Variants in CRTC3 observed in about 807,000 individuals in gnomAD.
CRTC3 encodes the protein CREB-regulated transcription coactivator 3.
CRTC3 carries 26 observed loss-of-function variants against 74.5 expected under a neutral mutation model. The ratio of observed to expected loss-of-function variants is 0.35; its 90% CI spans 0.26 to 0.48. The LOEUF (loss-of-function observed/expected upper bound fraction) is 0.48. Ranked by LOEUF, CRTC3 falls within the 20% of genes least tolerant of loss-of-function variation. CRTC3 has a pLI of 0.99. For synonymous variants in CRTC3, 377 were observed against 325.8 expected (o/e 1.16, Z -1.69); for missense variants, 760 against 787.3 (o/e 0.97, Z 0.41).
intron 1 of CRTC3, among the ~76,000 whole-genome samples, chr15:90,533,378 G>T (rs1356814251): frequency 7.1e-6 from 1 of 141,540 alleles, no homozygotes; most frequent in Admixed American, 7.2e-5. Flanking sequence ...CCGAGATCGC[G>T]CCATTGCACT....
At chr15:90,616,835 G>A (rs1037008505) in intron 7 of CRTC3, among the ~76,000 whole-genome samples, 8 of 152,164 alleles carry the variant, frequency 5.3e-5, no homozygotes, top group South Asian at 2.1e-4. Flanking sequence ...CAGCCGTCCC[G>A]GCAGCTGCCC....
At chr15:90,549,758 A>G (rs546917727) in intron 2 of CRTC3, among the ~76,000 whole-genome samples, 13 of 145,580 alleles carry the variant, frequency 8.9e-5, no homozygotes, top group Middle Eastern at 3.7e-3. Context: ...GCTGGAGTGC[A>G]GAAGCGTGAT....
chr15:90,579,225 A>G (rs1173811885), intron 2 of CRTC3, among the ~76,000 whole-genome samples: 1 of 152,340 alleles, frequency 6.6e-6, no homozygotes, highest in South Asian at 2.1e-4. Context: ...TAGGTTACAT[A>G]CAAGTACTGT....
At chr15:90,619,869 A>G in intron 9 of CRTC3, 79 bp downstream of exon 9, 1 of 1,192,672 alleles carries the variant, frequency 8.4e-7, no homozygotes, top group South Asian at 1.3e-5. Flanking sequence ...TTTGTTACAG[A>G]ACTCTCAGAA....
chr15:90,600,821 G>A (rs1443691921), intron 3 of CRTC3, among the ~76,000 whole-genome samples: 3 of 152,196 alleles, frequency 2.0e-5, no homozygotes, highest in South Asian at 2.1e-4. Context: ...GGTAACTGCC[G>A]AATGTATATT....
chr15:90,540,191 A>G, intron 2 of CRTC3, 54 bp downstream of exon 2: 2 of 1,193,786 alleles, frequency 1.7e-6, no homozygotes, highest in Non-Finnish European at 2.4e-6. Flanking sequence ...AAAATAGACA[A>G]AGATTATCAC....
chr15:90,552,434 G>T (rs1966861565), intron 2 of CRTC3, among the ~76,000 whole-genome samples: 2 of 152,186 alleles, frequency 1.3e-5, no homozygotes, highest in African/African-American at 4.8e-5. Context: ...CAGAAATTCT[G>T]TCTCTGTTTC....
At chr15:90,629,840 A>G (rs1968975392) in intron 11 of CRTC3, among the ~76,000 whole-genome samples, 1 of 152,032 alleles carries the variant, frequency 6.6e-6, no homozygotes, top group Non-Finnish European at 1.5e-5. Flanking sequence ...TTCTCACCTT[A>G]GTCTTCGGAG....
At chr15:90,638,899 GCAGACCAGACATGCCACT>G (rs1317541948) in intron 13 of CRTC3, 84 bp downstream of exon 13, 4 of 1,161,160 alleles carry the variant, frequency 3.4e-6, no homozygotes, top group Non-Finnish European at 5.1e-6. Flanking sequence ...TCAGAACTGA[GCAGACCAGACATGCCACT>G]TTCCTGGTTC....
chr15:90,609,863 T>C (rs1165758025), intron 6 of CRTC3, among the ~76,000 whole-genome samples: 3 of 152,192 alleles, frequency 2.0e-5, no homozygotes, highest in Non-Finnish European at 4.4e-5. Context: ...GACTTGAGAA[T>C]CGTGGTGGTC....
intron 1 of CRTC3, among the ~76,000 whole-genome samples, chr15:90,536,482 C>G (rs1426322038): frequency 8.1e-6 from 1 of 122,758 alleles, no homozygotes; most frequent in African/African-American, 2.9e-5. Context: ...GCAACAGAGA[C>G]CCTGTCTCAA....
At chr15:90,551,353 C>T (rs1035916353) in intron 2 of CRTC3, among the ~76,000 whole-genome samples, 1 of 151,986 alleles carries the variant, frequency 6.6e-6, no homozygotes, top group East Asian at 1.9e-4. Flanking sequence ...TTCTTACTGT[C>T]TCCCCCTCAC....
chr15:90,627,706 C>T (rs189758814), intron 10 of CRTC3, among the ~76,000 whole-genome samples: 1 of 151,060 alleles, frequency 6.6e-6, no homozygotes, highest in Admixed American at 6.6e-5. Flanking sequence ...ACTGCAAGCT[C>T]TGCCTCCTAG....
intron 6 of CRTC3, among the ~76,000 whole-genome samples, chr15:90,607,729 C>G (rs1009150047): frequency 1.3e-5 from 2 of 152,188 alleles, no homozygotes; most frequent in African/African-American, 4.8e-5. Context: ...CTTCTGGGCA[C>G]CCGTCATCTT....
intron 3 of CRTC3, chr15:90,598,564 T>G (rs1161028659): frequency 1.4e-6 from 1 of 701,296 alleles, no homozygotes; most frequent in Non-Finnish European, 2.6e-6. Context: ...CTGGGATGAC[T>G]CTGAGATCCT....
intron 2 of CRTC3, among the ~76,000 whole-genome samples, chr15:90,551,902 C>T (rs542127346): frequency 1.3e-5 from 2 of 148,716 alleles, no homozygotes; most frequent in African/African-American, 5.0e-5. Flanking sequence ...GTAAGGCGCG[C>T]CCTTACATTA....
chr15:90,625,666 G>GTCTT (rs2151091029), intron 9 of CRTC3, 110 bp from the exon 10 acceptor site: 2 of 983,182 alleles, frequency 2.0e-6, no homozygotes, highest in East Asian at 2.4e-5. Context: ...CAGGACCTCG[G>GTCTT]TCTTTTGTAG....
At chr15:90,580,840 A>G (rs1332506569) in intron 2 of CRTC3, among the ~76,000 whole-genome samples, 1 of 152,200 alleles carries the variant, frequency 6.6e-6, no homozygotes, top group African/African-American at 2.4e-5. Flanking sequence ...ATCTGGTTTC[A>G]GGGACCAGTT....
At chr15:90,633,051 A>G (rs565090436) in intron 11 of CRTC3, among the ~76,000 whole-genome samples, 1 of 152,338 alleles carries the variant, frequency 6.6e-6, no homozygotes, top group African/African-American at 2.4e-5. Context: ...ATGTGCACAC[A>G]CAATTTCCTA....
Sources: gnomAD v4.1 joint callset for allele counts (sites outside exome capture counted in the v4.1 genomes callset) on GRCh38, gnomAD v4.1.1 for gene constraint, MANE v1.5 for transcripts, NCBI Gene and HGNC (gene_info 2026-07-23, HGNC 2026-07-21) for gene names.